The following STARD13 variants were observed in gnomAD, a reference collection of about 807,000 sequenced individuals.
STARD13 encodes stAR-related lipid transfer protein 13.
STARD13 carries 62 observed loss-of-function variants against 106.4 expected under a neutral mutation model. The observed-to-expected ratio is 0.58, with a 90% confidence interval of 0.48 to 0.72. The LOEUF (loss-of-function observed/expected upper bound fraction) is 0.72. STARD13 is among the 30% of genes least tolerant of loss of function. The pLI, the probability that STARD13 is intolerant of heterozygous loss-of-function variation, is 0.00. For missense variants in STARD13, 1,387 were observed against 1,424.0 expected, an observed-to-expected ratio of 0.97 and a Z score of 0.42; for synonymous variants, 565 against 553.0, an observed-to-expected ratio of 1.02 and a Z score of -0.31.
intron 1 of STARD13, among the ~76,000 whole-genome samples, chr13:33,215,808 A>G (rs1317493745): frequency 6.6e-6 from 1 of 152,232 alleles, no homozygotes; most frequent in Non-Finnish European, 1.5e-5. Context: ...TTCACAATCT[A>G]TACATCTGAC....
At chr13:33,409,630 G>C in the STARD13 span, among the ~76,000 whole-genome samples, 1 of 152,176 alleles carries the variant, frequency 6.6e-6, no homozygotes, top group East Asian at 1.9e-4. Context: ...TTTCTACTCT[G>C]TTGGCAGAGA....
At chr13:33,598,912 A>T in the STARD13 span, among the ~76,000 whole-genome samples, 4 of 152,236 alleles carry the variant, frequency 2.6e-5, no homozygotes, top group Non-Finnish European at 5.9e-5. Flanking sequence ...TTTCCTAAAA[A>T]ATTTAGGTTC....
chr13:33,121,001 A>C (rs908481537), intron 7 of STARD13, among the ~76,000 whole-genome samples: 17 of 152,122 alleles, frequency 1.1e-4, no homozygotes, highest in African/African-American at 4.1e-4. Flanking sequence ...TTGGCCTCCC[A>C]AAGTGCTGGC....
the STARD13 span, among the ~76,000 whole-genome samples, chr13:33,638,278 A>G: frequency 1.3e-5 from 2 of 152,214 alleles, no homozygotes; most frequent in African/African-American, 4.8e-5. Context: ...CAATACATGT[A>G]AGATACATGT....
At chr13:33,381,357 G>A in the STARD13 span, among the ~76,000 whole-genome samples, 3 of 152,170 alleles carry the variant, frequency 2.0e-5, no homozygotes, top group African/African-American at 7.2e-5. Flanking sequence ...CAATAAGGGT[G>A]TGACCCAGGA....
chr13:33,295,572 A>C (rs1892456641), intron 1 of STARD13, among the ~76,000 whole-genome samples: 1 of 152,178 alleles, frequency 6.6e-6, no homozygotes, highest in African/African-American at 2.4e-5. Context: ...ACAGGGCTAG[A>C]CTGTGATGGT....
chr13:33,599,039 G>A, the STARD13 span, among the ~76,000 whole-genome samples: 1 of 152,094 alleles, frequency 6.6e-6, no homozygotes, highest in Non-Finnish European at 1.5e-5. Context: ...AATTGTGAGA[G>A]TTTCAATTTA....
the STARD13 span, among the ~76,000 whole-genome samples, chr13:33,607,299 C>CTTT: frequency 1.5e-5 from 2 of 137,424 alleles, no homozygotes; most frequent in Non-Finnish European, 3.2e-5. Flanking sequence ...ATCATTGTTT[C>CTTT]TTTTTTTTTT....
At chr13:33,393,013 A>T in the STARD13 span, among the ~76,000 whole-genome samples, 2 of 152,342 alleles carry the variant, frequency 1.3e-5, no homozygotes, top group South Asian at 2.1e-4. Context: ...GATGCCTAAG[A>T]ACTTTTATAA....
chr13:33,251,039 G>T (rs1056300371), intron 1 of STARD13, among the ~76,000 whole-genome samples: 1 of 152,216 alleles, frequency 6.6e-6, no homozygotes, highest in Non-Finnish European at 1.5e-5. Flanking sequence ...GGTAGAGGAA[G>T]AAGAGAGAAC....
chr13:33,157,068 A>G, intron 3 of STARD13, among the ~76,000 whole-genome samples: 1 of 152,168 alleles, frequency 6.6e-6, no homozygotes, highest in East Asian at 1.9e-4. Flanking sequence ...GACTTTAATT[A>G]TTTAATATTA....
At chr13:33,449,341 A>C in the STARD13 span, among the ~76,000 whole-genome samples, 1 of 152,166 alleles carries the variant, frequency 6.6e-6, no homozygotes, top group Non-Finnish European at 1.5e-5. Context: ...TTTTCCTAAC[A>C]CTATTTATTG....
chr13:33,162,922 G>A (rs150814441), intron 3 of STARD13, among the ~76,000 whole-genome samples: 14 of 151,882 alleles, frequency 9.2e-5, no homozygotes, highest in African/African-American at 3.1e-4. Flanking sequence ...CCCCACTCTC[G>A]GTACCAATTT....
At chr13:33,205,074 G>A (rs191610724) in intron 1 of STARD13, among the ~76,000 whole-genome samples, 55 of 152,260 alleles carry the variant, frequency 3.6e-4, no homozygotes, top group Non-Finnish European at 6.2e-4. Flanking sequence ...GGAATTAGAC[G>A]AATCCTGGCC....
intron 1 of STARD13, among the ~76,000 whole-genome samples, chr13:33,302,004 T>C (rs1054157080): frequency 4.6e-5 from 7 of 152,110 alleles, no homozygotes; most frequent in African/African-American, 1.7e-4. Flanking sequence ...TCATGGATAA[T>C]TGGAGTAGAA....
Position 33,109,968 on chromosome 13 carries a change from C to T in STARD13, c.2952G>A (p.Trp984Ter). 1 of 1,614,258 alleles carries T rather than the reference C, an allele frequency of 6.2e-7. No homozygotes were observed. Among genetic ancestry groups the T allele is most frequent in the Non-Finnish European group, 8.5e-7 (1 of 1,180,050 alleles). The change falls in exon 12 of 14, where the codon TGG (tryptophan) becomes TGA (stop). Residue 984 changes from tryptophan (W) to a stop codon, truncating the protein, a stop_gained. Coordinates refer to ENST00000336934, the MANE Select transcript of STARD13 (RefSeq NM_178006.4). LOFTEE classifies it high-confidence loss of function. ...GCCTGTCTAGAGTTTCCACAACCTTCCACTGCACAAAGTCCTCGTCCCACA... is the reference window on the plus strand; with the variant it reads ...GCCTGTCTAGAGTTTCCACAACCTTTCACTGCACAAAGTCCTCGTCCCACA... The part of the protein sequence containing the change: ...RHLWDEDFVQ[W>*]KVVETLDRQT...
chr13:33,414,832 T>G, the STARD13 span, among the ~76,000 whole-genome samples: 1 of 151,918 alleles, frequency 6.6e-6, no homozygotes, highest in Non-Finnish European at 1.5e-5. Flanking sequence ...GGATCAATAT[T>G]ATTAATCCTG....
chr13:33,669,779 C>T, the STARD13 span, among the ~76,000 whole-genome samples: 2 of 151,924 alleles, frequency 1.3e-5, no homozygotes, highest in African/African-American at 4.8e-5. Flanking sequence ...CGTGATCCAC[C>T]CACTTTGGCC....
At chr13:33,475,203 A>C in the STARD13 span, among the ~76,000 whole-genome samples, 1 of 152,160 alleles carries the variant, frequency 6.6e-6, no homozygotes, top group East Asian at 1.9e-4. Flanking sequence ...TATTTGACAG[A>C]TGGTTCAGGA....
Sources: allele counts gnomAD v4.1 joint callset (sites outside exome capture counted in the v4.1 genomes callset), GRCh38; gene constraint gnomAD v4.1.1; transcripts MANE v1.5; gene names NCBI Gene and HGNC (gene_info 2026-07-23, HGNC 2026-07-21).